RNF220: variants seen among roughly 807,000 people sequenced by gnomAD.
The protein encoded by RNF220 is ring finger protein 220.
RNF220 carries 7 observed loss-of-function variants against 67.1 expected under a neutral mutation model. That is an observed-to-expected ratio of 0.10 (90% confidence interval 0.06 to 0.20). The LOEUF (loss-of-function observed/expected upper bound fraction) is 0.20. Among genes scored for constraint, RNF220 ranks in the 10% least tolerant of loss-of-function variants. The pLI, the probability that RNF220 is intolerant of heterozygous loss-of-function variation, is 1.00. For synonymous variants in RNF220, 270 were observed against 283.2 expected, an observed-to-expected ratio of 0.95 and a Z score of 0.47; for missense variants, 565 against 740.3, an observed-to-expected ratio of 0.76 and a Z score of 2.75.
At chr1:44,535,054 G>A (rs547907362) in intron 2 of RNF220, among the ~76,000 whole-genome samples, 3 of 152,182 alleles carry the variant, frequency 2.0e-5, no homozygotes, top group Admixed American at 6.5e-5. Flanking sequence ...TGGCTTCATC[G>A]GGGGTAGGGG....
In RNF220 at chr1:44,649,349, GAGGAGAGATGCCGGAGATACT is replaced by G. The variant is rs1644729877; in HGVS notation, c.1446-301_1446-281del. On this transcript the variant is annotated intron_variant, in intron 12 of 14. Transcript: ENST00000361799. The surrounding 1 kb of genome is among the most constrained non-coding windows in gnomAD (Gnocchi z 5.9). ...TCTGAGAGCCTGGACTCATGGTGGT[GAGGAGAGATGCCGGAGATACT>G]AGGAGAGATGACAGATTTGGGTGGT... is the stretch of plus-strand genomic sequence containing the variant. 2.4e-6 allele frequency: 1 copy of G among 419,188 alleles called. No homozygotes were observed. The highest frequency in any genetic ancestry group is 4.4e-6 in the Non-Finnish European group (1 of 227,458). The allele number at this position is 419,188 out of a possible 1,614,324, so 26.0% of individuals were successfully genotyped here.
intron 2 of RNF220, among the ~76,000 whole-genome samples, chr1:44,476,016 AAAAG>A (rs1476030949): frequency 2.0e-5 from 3 of 151,780 alleles, no homozygotes; most frequent in East Asian, 1.9e-4. Context: ...AAAAGAAAGA[AAAAG>A]AAAAAAGAAA....
At chr1:44,620,839 CAT>C (rs1445258533) in intron 3 of RNF220, among the ~76,000 whole-genome samples, 1 of 151,768 alleles carries the variant, frequency 6.6e-6, no homozygotes, top group African/African-American at 2.4e-5. Context: ...CACAGGTGTC[CAT>C]ATCTACGCAT....
intron 2 of RNF220, among the ~76,000 whole-genome samples, chr1:44,513,143 G>A (rs1659162496): frequency 6.6e-6 from 1 of 152,200 alleles, no homozygotes; most frequent in Non-Finnish European, 1.5e-5. Flanking sequence ...ATTCGCAGTA[G>A]CTGGTTTGGC....
intron 2 of RNF220, among the ~76,000 whole-genome samples, chr1:44,599,007 C>A (rs1666734592): frequency 6.6e-6 from 1 of 152,196 alleles, no homozygotes; most frequent in East Asian, 1.9e-4. Flanking sequence ...CCTTTCACTC[C>A]CATTCACTTA....
intron 2 of RNF220, among the ~76,000 whole-genome samples, chr1:44,518,095 A>C (rs757346940): frequency 6.6e-6 from 1 of 151,440 alleles, no homozygotes; most frequent in Non-Finnish European, 1.5e-5. Context: ...ACAGAGCAAG[A>C]CTCCGTCTAA....
intron 2 of RNF220, among the ~76,000 whole-genome samples, chr1:44,535,135 CTT>C (rs903715852): frequency 0.029 from 2,970 of 102,736 alleles, 116 homozygotes; most frequent in East Asian, 0.25. Context: ...GCAGCTTCTT[CTT>C]TTTTTTTTTT....
intron 2 of RNF220, among the ~76,000 whole-genome samples, chr1:44,518,876 A>G (rs270721): frequency 0.18 from 26,485 of 145,992 alleles, 2,511 homozygotes; most frequent in African/African-American, 0.28. Flanking sequence ...CTCCGTCTAA[A>G]AAACAAAAAA....
Position 44,636,167 on chromosome 1 carries a change from A to G in RNF220, c.1126+5A>G, listed in dbSNP as rs770631376. The G allele has an allele frequency of 6.3e-6, 10 of 1,597,500 alleles. No individual in the cohort carries two copies. In the African/African-American group the frequency reaches 1.2e-4, roughly 19 times the overall value. On this transcript the variant is annotated splice_donor_5th_base_variant and intron_variant, in intron 8 of 14. Transcript: ENST00000361799. ...TCCTGGAAGGTGGCTTCCGAGGTACAAGCAGCTGACACGTAGACATTGGCA... is the reference window on the plus strand; with the variant it reads ...TCCTGGAAGGTGGCTTCCGAGGTACGAGCAGCTGACACGTAGACATTGGCA...
At chr1:44,513,246 T>C (rs2148130719) in intron 2 of RNF220, among the ~76,000 whole-genome samples, 1 of 152,264 alleles carries the variant, frequency 6.6e-6, no homozygotes, top group African/African-American at 2.4e-5. Context: ...CTTCTGGGAA[T>C]GGAAATAACT....
At chr1:44,500,943 C>T (rs531442494) in intron 2 of RNF220, among the ~76,000 whole-genome samples, 2 of 152,192 alleles carry the variant, frequency 1.3e-5, no homozygotes, top group Non-Finnish European at 2.9e-5. Flanking sequence ...GGGCCCTTGG[C>T]TCTTCTGTCC....
chr1:44,637,317 G>A (rs905493004), intron 8 of RNF220, among the ~76,000 whole-genome samples: 2 of 152,224 alleles, frequency 1.3e-5, no homozygotes, highest in Non-Finnish European at 2.9e-5. Flanking sequence ...AATCAGGAAG[G>A]TTAGTCAGAC....
At chr1:44,448,851 G>A (rs1022746976) in intron 2 of RNF220, among the ~76,000 whole-genome samples, 62 of 152,282 alleles carry the variant, frequency 4.1e-4, no homozygotes, top group African/African-American at 1.4e-3. Flanking sequence ...TCAAGTGAAT[G>A]CTTGATATAC....
intron 2 of RNF220, among the ~76,000 whole-genome samples, chr1:44,599,398 C>T (rs939302859): frequency 3.9e-5 from 6 of 152,254 alleles, no homozygotes; most frequent in South Asian, 4.1e-4. Flanking sequence ...TAGGGTCAGG[C>T]GCGGTGGCTC....
chr1:44,597,797 G>T (rs752277803), intron 2 of RNF220, among the ~76,000 whole-genome samples: 2 of 151,854 alleles, frequency 1.3e-5, no homozygotes, highest in Non-Finnish European at 2.9e-5. Flanking sequence ...ACTCTTACAT[G>T]GACCTCTTTC....
intron 2 of RNF220, among the ~76,000 whole-genome samples, chr1:44,415,138 GA>G (rs1351365770): frequency 7.1e-4 from 107 of 150,700 alleles, no homozygotes; most frequent in African/African-American, 2.6e-3. Flanking sequence ...AAGGGTTGAA[GA>G]GGCACTAAGA....
intron 2 of RNF220, among the ~76,000 whole-genome samples, chr1:44,555,100 A>G (rs1177019905): frequency 6.6e-6 from 1 of 151,942 alleles, no homozygotes; most frequent in East Asian, 1.9e-4. Context: ...ACAGGGTCTC[A>G]CTCTGTTGCC....
At chr1:44,420,290 T>C (rs2147832415) in intron 2 of RNF220, among the ~76,000 whole-genome samples, 1 of 152,340 alleles carries the variant, frequency 6.6e-6, no homozygotes, top group South Asian at 2.1e-4. Context: ...TTATGAGAAA[T>C]CCAGCCCAGT....
At chr1:44,548,601 C>T (rs1440729363) in intron 2 of RNF220, among the ~76,000 whole-genome samples, 3 of 152,252 alleles carry the variant, frequency 2.0e-5, no homozygotes, top group African/African-American at 7.2e-5. Flanking sequence ...TCAAGCAATC[C>T]TCTTACCTCA....
Sources: allele counts gnomAD v4.1 joint callset (sites outside exome capture counted in the v4.1 genomes callset), GRCh38; gene constraint gnomAD v4.1.1; non-coding constraint Gnocchi (gnomAD v3.1); transcripts MANE v1.5; gene names NCBI Gene and HGNC (gene_info 2026-07-23, HGNC 2026-07-21).